RNGTT: variants seen among roughly 807,000 people sequenced by gnomAD.
RNGTT encodes the protein mRNA-capping enzyme.
RNGTT carries 33 observed loss-of-function variants against 79.3 expected under a neutral mutation model. That is an observed-to-expected ratio of 0.42 (90% CI 0.32 to 0.56). RNGTT has a LOEUF of 0.56. RNGTT is among the 20% of genes least tolerant of loss of function. The probability of loss-of-function intolerance (pLI) is 0.17; values close to 1 mark genes in which losing one functional copy is unlikely to be tolerated. For synonymous variants in RNGTT, 222 were observed against 235.9 expected, an observed-to-expected ratio of 0.94 and a Z score of 0.54; for missense variants, 497 against 739.1, an observed-to-expected ratio of 0.67 and a Z score of 3.80.
At chr6:88,800,643 AAC>A (rs1162871337) in intron 12 of RNGTT, among the ~76,000 whole-genome samples, 1 of 152,208 alleles carries the variant, frequency 6.6e-6, no homozygotes, top group Non-Finnish European at 1.5e-5. Context: ...AACTTGTCAA[AAC>A]ACAAACCGCT....
chr6:88,612,651 A>G lies in RNGTT; in HGVS notation c.*68T>C. On this transcript the variant is annotated 3_prime_UTR_variant, in exon 16 of 16. Transcript: ENST00000369485. ...CAGTCGTTTTTCAATTTCTCTGGCT[A>G]CAAAAATGGGCAACAGCGTTTTTTC... 6 of 1,458,986 alleles carry G rather than the reference A, an allele frequency of 4.1e-6. No individual in the cohort carries two copies. The highest frequency in any genetic ancestry group is 5.6e-6 in the Non-Finnish European group (6 of 1,075,650). 90.4% of individuals were successfully genotyped at this position (1,458,986 alleles called of 1,614,324 possible).
intron 14 of RNGTT, among the ~76,000 whole-genome samples, chr6:88,617,699 A>G (rs1367986157): frequency 6.6e-6 from 1 of 152,180 alleles, no homozygotes; most frequent in Admixed American, 6.5e-5. Context: ...ATTTTAAGAT[A>G]GTTTTTTAAT....
At chr6:88,924,727 A>AT (rs11459283) in intron 4 of RNGTT, among the ~76,000 whole-genome samples, 20,876 of 137,974 alleles carry the variant, frequency 0.15, 1,562 homozygotes, top group Middle Eastern at 0.26. Flanking sequence ...CTCCTCTCCA[A>AT]TTTTTTTTTT....
At chr6:88,639,814 A>T (rs1352602886) in intron 14 of RNGTT, among the ~76,000 whole-genome samples, 2 of 152,244 alleles carry the variant, frequency 1.3e-5, no homozygotes, top group Admixed American at 1.3e-4. Context: ...TGTTCTAAGT[A>T]CCTTCACATG....
At chr6:88,949,159 G>GAAAAAAAAAAAAAAAAAAAA in intron 1 of RNGTT, among the ~76,000 whole-genome samples, 6 of 50,512 alleles carry the variant, frequency 1.2e-4, no homozygotes, top group Non-Finnish European at 2.0e-4. Flanking sequence ...AAAATAAAAT[G>GAAAAAAAAAAAAAAAAAAAA]AAAAAAAAAA....
chr6:88,748,550 T>C (rs1011113550), intron 13 of RNGTT, among the ~76,000 whole-genome samples: 3 of 152,210 alleles, frequency 2.0e-5, no homozygotes, highest in Non-Finnish European at 4.4e-5. Context: ...TTATACTTAA[T>C]TTTTTTACAA....
At chr6:88,670,261 T>C (rs1774583353) in intron 14 of RNGTT, among the ~76,000 whole-genome samples, 1 of 152,222 alleles carries the variant, frequency 6.6e-6, no homozygotes, top group African/African-American at 2.4e-5. Context: ...GTTCCCAGCA[T>C]TAGGATTTAA....
chr6:88,760,669 T>C (rs1443870840), intron 13 of RNGTT, among the ~76,000 whole-genome samples: 1 of 152,098 alleles, frequency 6.6e-6, no homozygotes, highest in Non-Finnish European at 1.5e-5. Flanking sequence ...AAAATATAAA[T>C]GAAAGAATTA....
intron 13 of RNGTT, among the ~76,000 whole-genome samples, chr6:88,722,001 T>G (rs1776725409): frequency 2.0e-5 from 3 of 151,936 alleles, no homozygotes; most frequent in Admixed American, 2.0e-4. Context: ...CCTTGTATCC[T>G]AAGCACCTAG....
chr6:88,934,735 G>A (rs1242786695), intron 2 of RNGTT, among the ~76,000 whole-genome samples: 1 of 151,964 alleles, frequency 6.6e-6, no homozygotes, highest in Non-Finnish European at 1.5e-5. Flanking sequence ...TGACCTACTG[G>A]GCTCAAGCAG....
intron 14 of RNGTT, among the ~76,000 whole-genome samples, chr6:88,668,930 T>C (rs1204744530): frequency 6.6e-6 from 1 of 152,172 alleles, no homozygotes; most frequent in Non-Finnish European, 1.5e-5. Context: ...CTATATGGTA[T>C]TATTGAATGT....
chr6:88,767,448 T>C (rs1778498574), intron 13 of RNGTT, among the ~76,000 whole-genome samples: 1 of 151,748 alleles, frequency 6.6e-6, no homozygotes, highest in South Asian at 2.1e-4. Flanking sequence ...GAGAAATGAG[T>C]ATTCTATGTT....
chr6:88,805,498 G>C (rs1779925019), intron 11 of RNGTT, among the ~76,000 whole-genome samples: 1 of 152,078 alleles, frequency 6.6e-6, no homozygotes, highest in Non-Finnish European at 1.5e-5. Context: ...AGTTACCTGG[G>C]AATAAATCCA....
At chr6:88,827,915 T>C (rs1780724914) in intron 11 of RNGTT, among the ~76,000 whole-genome samples, 1 of 151,886 alleles carries the variant, frequency 6.6e-6, no homozygotes, top group Admixed American at 6.6e-5. Context: ...AAAACTCCCA[T>C]CTCCCTGGGA....
intron 2 of RNGTT, among the ~76,000 whole-genome samples, chr6:88,936,147 T>C (rs1434065325): frequency 6.6e-6 from 1 of 152,176 alleles, no homozygotes; most frequent in African/African-American, 2.4e-5. Context: ...GTCCAGTCTG[T>C]TCTTGAACTC....
At chr6:88,954,617 T>C (rs1422006681) in intron 1 of RNGTT, among the ~76,000 whole-genome samples, 2 of 151,554 alleles carry the variant, frequency 1.3e-5, no homozygotes, top group South Asian at 4.2e-4. Flanking sequence ...GAGTTAAATA[T>C]ACCCTAGAAC....
At chr6:88,687,411 A>G (rs972805839) in intron 13 of RNGTT, among the ~76,000 whole-genome samples, 6 of 152,208 alleles carry the variant, frequency 3.9e-5, no homozygotes, top group African/African-American at 2.4e-5. Context: ...TGACCCAGTC[A>G]TCTTCCTTCT....
At chr6:88,921,866 T>C (rs762100794) in intron 4 of RNGTT, among the ~76,000 whole-genome samples, 102 of 152,250 alleles carry the variant, frequency 6.7e-4, no homozygotes, top group Admixed American at 1.1e-3. Context: ...TTACATTGTA[T>C]TAGGTATTAT....
intron 14 of RNGTT, among the ~76,000 whole-genome samples, chr6:88,651,960 T>C (rs1185891785): frequency 6.6e-6 from 1 of 152,158 alleles, no homozygotes; most frequent in Non-Finnish European, 1.5e-5. Flanking sequence ...TATGTATATA[T>C]ACATGTAAAT....
Sources: allele counts gnomAD v4.1 joint callset (sites outside exome capture counted in the v4.1 genomes callset), GRCh38; gene constraint gnomAD v4.1.1; transcripts MANE v1.5; gene names NCBI Gene and HGNC (gene_info 2026-07-23, HGNC 2026-07-21).